FBXO36: variants seen among roughly 807,000 people sequenced by gnomAD.
FBXO36 encodes the protein F-box protein 36.
A neutral mutation model predicts 17.0 loss-of-function variants in FBXO36; 18 were observed. The observed-to-expected ratio is 1.06, with a 90% CI of 0.73 to 1.57. FBXO36 has a LOEUF of 1.57. Ranked by LOEUF, FBXO36 falls within the 40% of genes most tolerant of loss-of-function variation. FBXO36 has a pLI of 0.00. For synonymous variants in FBXO36, 83 were observed against 85.3 expected, an observed-to-expected ratio of 0.97 and a Z score of 0.15; for missense variants, 229 against 221.9, an observed-to-expected ratio of 1.03 and a Z score of -0.20.
intron 3 of FBXO36, among the ~76,000 whole-genome samples, chr2:229,999,642 T>A (rs565893359): frequency 6.6e-6 from 1 of 151,702 alleles, no homozygotes; most frequent in African/African-American, 2.4e-5. Context: ...CCTCCCAAAG[T>A]GCTGAGATTA....
intron 3 of FBXO36, among the ~76,000 whole-genome samples, chr2:229,998,630 A>G (rs576704468): frequency 2.0e-5 from 3 of 151,442 alleles, no homozygotes; most frequent in South Asian, 2.1e-4. Flanking sequence ...CTCAGAAAAA[A>G]AAAAAAAAAG....
chr2:229,934,326 G>C (rs1053240494), intron 1 of FBXO36, among the ~76,000 whole-genome samples: 1 of 152,086 alleles, frequency 6.6e-6, no homozygotes, highest in Admixed American at 6.5e-5. Flanking sequence ...GCATGAACCC[G>C]GGAGGCGGAG....
rs1414260758 is a variant in FBXO36, at chr2:229,969,699, AAAAAT to A, written c.97-6531_97-6527del. Among the ~76,000 whole-genome samples the A allele has an allele frequency of 1.8e-4, 27 of 152,162 alleles. 1 individual carries two copies. The highest frequency in any genetic ancestry group is 1.1e-3 in the Admixed American group (17 of 15,254). ...ACTCTGTCTCAGAAAAATAAAAAATAAAAATAAAATAAAATTGATAAATTGGACTT... is the reference window on the plus strand; with the variant it reads ...ACTCTGTCTCAGAAAAATAAAAAATAAAAATAAAATTGATAAATTGGACTT... On this transcript the variant is annotated intron_variant, in intron 1 of 3. Coordinates refer to ENST00000283946, the MANE Select transcript of FBXO36 (RefSeq NM_174899.5).
At chr2:229,971,170 A>G (rs1292595484) in intron 1 of FBXO36, among the ~76,000 whole-genome samples, 1 of 152,126 alleles carries the variant, frequency 6.6e-6, no homozygotes. Flanking sequence ...CCTGGCCAAC[A>G]TGGTAAAACC....
chr2:229,949,332 A>G (rs1224708108), intron 1 of FBXO36, among the ~76,000 whole-genome samples: 3 of 152,178 alleles, frequency 2.0e-5, no homozygotes, highest in Non-Finnish European at 4.4e-5. Flanking sequence ...TAATTACACA[A>G]ATAGGGAGTG....
intron 1 of FBXO36, among the ~76,000 whole-genome samples, chr2:229,960,925 A>C (rs1002913701): frequency 5.3e-5 from 8 of 152,140 alleles, no homozygotes; most frequent in Non-Finnish European, 1.2e-4. Flanking sequence ...CCTGGCCAAC[A>C]TGATGAAACC....
chr2:229,938,419 A>G (rs1026811744), intron 1 of FBXO36, among the ~76,000 whole-genome samples: 5 of 145,146 alleles, frequency 3.4e-5, no homozygotes, highest in African/African-American at 1.0e-4. Context: ...GTGGGGTTGT[A>G]GAGATGGCGT....
At chr2:230,004,822 C>G (rs1000382763) in intron 3 of FBXO36, among the ~76,000 whole-genome samples, 2 of 152,156 alleles carry the variant, frequency 1.3e-5, no homozygotes, top group Non-Finnish European at 2.9e-5. Context: ...GTCTGACCAA[C>G]ATGGTGAAAC....
chr2:229,996,840 G>T lies in FBXO36; in HGVS notation c.295G>T (p.Asp99Tyr). ...GKFDFLERLS[D>Y]DLLLTIISYL... ...ATTTGACTTCCTTGAACGGCTCTCA[G>T]ACGATTTGCTCCTGACTATCATTTC... Residue 99 changes from aspartate (D) to tyrosine (Y), a missense_variant, in exon 3 of 4, where the codon GAC becomes TAC. Physicochemically the swap from Asp to Tyr is radical, Grantham distance 160. Transcript: ENST00000283946. 1 of 1,614,084 alleles carries T rather than the reference G, an allele frequency of 6.2e-7. No homozygotes were observed. The highest frequency in any genetic ancestry group is 8.5e-7 in the Non-Finnish European group (1 of 1,180,014).
chr2:229,945,622 C>G (rs2077022929), intron 1 of FBXO36, among the ~76,000 whole-genome samples: 1 of 151,336 alleles, frequency 6.6e-6, no homozygotes. Context: ...ATGAATTTCT[C>G]CCTTAATTTG....
rs768074499 is a variant in FBXO36, at chr2:229,956,931, T to A, written c.97-19310T>A. ...GAACCCCAGTCCTATTGAATTAGGA[T>A]TATACCCATATGACTTTATTTAATC... On this transcript the variant is annotated intron_variant, in intron 1 of 3. Transcript: ENST00000283946. Among the ~76,000 whole-genome samples the A allele has an allele frequency of 2.6e-5, 4 of 152,272 alleles. No individual in the cohort carries two copies. In the South Asian group the frequency reaches 8.3e-4, roughly 32 times the overall value.
At chr2:229,928,198 A>G (rs980299452) in intron 1 of FBXO36, among the ~76,000 whole-genome samples, 1 of 152,240 alleles carries the variant, frequency 6.6e-6, no homozygotes, top group Non-Finnish European at 1.5e-5. Flanking sequence ...ATGCCATAGA[A>G]TACTATCCAA....
intron 1 of FBXO36, among the ~76,000 whole-genome samples, chr2:229,940,884 A>T (rs908412087): frequency 1.3e-4 from 20 of 152,174 alleles, no homozygotes; most frequent in African/African-American, 4.8e-4. Context: ...GTCCTTTGTT[A>T]TGACAGTCCT....
At position 230,013,113 on chromosome 2, in the gene FBXO36, G is replaced by A. The variant is rs1292351188; in HGVS notation, c.*2229G>A. ...TATTAAATTATTTTAATACTTACTT[G>A]CCATAATAATCTGAGTGCCTTATTA... is the stretch of plus-strand genomic sequence containing the variant. On this transcript the variant is annotated 3_prime_UTR_variant, in exon 4 of 4. Transcript: ENST00000283946. The A allele has an allele frequency of 1.3e-5, 2 of 151,390 alleles. No homozygotes were observed. The highest frequency in any genetic ancestry group is 4.8e-5 in the African/African-American group (2 of 41,356). The allele number at this position is 151,390 out of a possible 1,614,324, so 9.4% of individuals were successfully genotyped here. A position where few individuals can be genotyped will look rare whatever the true frequency, so the allele number is the denominator to read the frequency against.
chr2:229,948,728 T>A (rs559058113), intron 1 of FBXO36, among the ~76,000 whole-genome samples: 57 of 152,284 alleles, frequency 3.7e-4, no homozygotes, highest in East Asian at 1.3e-3. Context: ...AGCTATCTGG[T>A]ACCACGCAAA....
chr2:229,999,057 C>T (rs551847397), intron 3 of FBXO36, among the ~76,000 whole-genome samples: 4 of 151,650 alleles, frequency 2.6e-5, no homozygotes, highest in South Asian at 4.2e-4. Context: ...CCGCCTCAGC[C>T]TCCCAAAGTG....
rs2077416089 is a variant in FBXO36, at chr2:230,011,598, C to CTTTTCTT, written c.*718_*719insCTTTTTT. On this transcript the variant is annotated 3_prime_UTR_variant, in exon 4 of 4. Coordinates refer to ENST00000283946, the MANE Select transcript of FBXO36 (RefSeq NM_174899.5). ...AACCTATAAACATTTCTTTTCTTTT[C>CTTTTCTT]TTTTTTTTTTTTTTTTTGTATTTTC... is the stretch of plus-strand genomic sequence containing the variant. The CTTTTCTT allele has an allele frequency of 8.1e-6, 1 of 123,442 alleles. No individual in the cohort carries two copies. Among genetic ancestry groups the CTTTTCTT allele is most frequent in the Non-Finnish European group, 1.6e-5 (1 of 61,976 alleles). 7.6% of individuals were successfully genotyped at this position (123,442 alleles called of 1,614,324 possible).
intron 1 of FBXO36, among the ~76,000 whole-genome samples, chr2:229,953,653 C>G (rs1378612863): frequency 1.3e-5 from 2 of 149,170 alleles, no homozygotes; most frequent in African/African-American, 5.0e-5. Flanking sequence ...GCCTGGATGA[C>G]AGAATGATAT....
intron 2 of FBXO36, among the ~76,000 whole-genome samples, chr2:229,983,337 T>G (rs2077250781): frequency 6.6e-6 from 1 of 151,514 alleles, no homozygotes; most frequent in Non-Finnish European, 1.5e-5. Context: ...ATTACACCAT[T>G]GCACTCCAGC....
Sources: allele counts gnomAD v4.1 joint callset (sites outside exome capture counted in the v4.1 genomes callset), GRCh38; gene constraint gnomAD v4.1.1; transcripts MANE v1.5; gene names NCBI Gene and HGNC (gene_info 2026-07-23, HGNC 2026-07-21).